The following ZNF701 variants were observed in gnomAD, a reference collection of about 807,000 sequenced individuals.
ZNF701 encodes zinc finger protein 701.
A neutral mutation model predicts 7.1 loss-of-function variants in ZNF701; 6 were observed. The ratio of observed to expected loss-of-function variants is 0.84; its 90% CI spans 0.46 to 1.66. The LOEUF is 1.66. Among genes scored for constraint, ZNF701 ranks in the 40% most tolerant of loss-of-function variants. ZNF701 has a pLI of 0.01. For missense variants in ZNF701, 541 were observed against 559.2 expected, an observed-to-expected ratio of 0.97 and a Z score of 0.33; for synonymous variants, 166 against 188.2, an observed-to-expected ratio of 0.88 and a Z score of 0.97.
Position 52,582,362 on chromosome 19 carries a change from G to T in ZNF701, c.303G>T (p.Trp101Cys). 6.2e-7 allele frequency: 1 copy of T among 1,613,682 alleles called. No homozygotes were observed. The highest frequency in any genetic ancestry group is 8.5e-7 in the Non-Finnish European group (1 of 1,179,880). The stretch of plus-strand genomic sequence containing the variant: ...ATATTCATGACTTTGTGTTTCAGTG[G>T]CAAGAAAATGAAACAAATGGCCATG... ...EKDIHDFVFQWQENETNGHEA... is the reference protein window; with the variant it reads ...EKDIHDFVFQCQENETNGHEA... The change falls in exon 4 of 4, where the codon TGG becomes TGT. Residue 101 changes from tryptophan to cysteine, a missense_variant. By Grantham distance (215) the Trp-to-Cys change is radical. Transcript: ENST00000391785.
the ZNF701 span, among the ~76,000 whole-genome samples, chr19:52,595,398 T>C: frequency 1.3e-5 from 2 of 151,794 alleles, no homozygotes; most frequent in Non-Finnish European, 2.9e-5. Context: ...GCCTCCCAAG[T>C]AGCTAGGACT....
rs1414175384 is a variant in ZNF701 at position 52,583,555 on chromosome 19, C to T, written c.*98C>T. ...AACCTTACAAATGTGAAGAATGTGACAAAAGTTTTCAATTTCAAATCACTC... is the reference window on the plus strand; with the variant it reads ...AACCTTACAAATGTGAAGAATGTGATAAAAGTTTTCAATTTCAAATCACTC... On this transcript the variant is annotated 3_prime_UTR_variant, in exon 4 of 4. Coordinates refer to ENST00000391785, the MANE Select transcript of ZNF701 (RefSeq NM_018260.3). The T allele has an allele frequency of 3.9e-6, 6 of 1,554,206 alleles. No homozygotes were observed. Among genetic ancestry groups the T allele is most frequent in the Non-Finnish European group, 1.8e-6 (2 of 1,127,908 alleles).
At chr19:52,575,771 T>C in intron 2 of ZNF701, 124 bp from the exon 3 acceptor site, 3 of 681,382 alleles carry the variant, frequency 4.4e-6, no homozygotes. Flanking sequence ...GAAGAATCCC[T>C]TACTTGGATT....
rs2060003497 is a variant in ZNF701 at position 52,585,332 on chromosome 19, C to G, written c.*1875C>G. The G allele has an allele frequency of 6.6e-6, 1 of 152,628 alleles. No homozygotes were observed. Among genetic ancestry groups the G allele is most frequent in the African/African-American group, 2.4e-5 (1 of 41,418 alleles). 9.5% of individuals were successfully genotyped at this position (152,628 alleles called of 1,614,324 possible). On this transcript the variant is annotated 3_prime_UTR_variant, in exon 4 of 4. Transcript: ENST00000391785. ...CCCACTCCCGGGAAGGCCGCGTCCT[C>G]TGCCTGGTCCTGGGATCCTGCAGAC...
In ZNF701 at chr19:52,572,379, G is replaced by A. The variant is rs745848761; in HGVS notation, c.-71-1698G>A. ...CTCCCTGTTTTGAAGGTAACTAGCT[G>A]TGTCTTTGTACATCTGCATTTTATA... On this transcript the variant is annotated intron_variant, in intron 1 of 3. Coordinates refer to ENST00000391785, the MANE Select transcript of ZNF701 (RefSeq NM_018260.3). 45 of 1,288,884 alleles carry A rather than the reference G, an allele frequency of 3.5e-5. 1 individual carries two copies. The South Asian group carries it at 5.3e-4, about 15-fold the overall frequency. 79.8% of individuals were successfully genotyped at this position (1,288,884 alleles called of 1,614,324 possible).
rs977058170 is a variant in ZNF701 at position 52,583,040 on chromosome 19, A to G, written c.981A>G (p.Lys327=). ...TTCATACTGGAGAGAAACCTTACAA[A>G]TGTGAAGAATGTGACAAAGTTTTCA... ...HRVHTGEKPY[K]CEECDKVFSR... Residue 327 remains lysine (K), a synonymous_variant, in exon 4 of 4, where the codon AAA becomes AAG. Coordinates refer to ENST00000391785, the MANE Select transcript of ZNF701 (RefSeq NM_018260.3). 20 of 1,611,292 alleles carry G rather than the reference A, an allele frequency of 1.2e-5. No individual in the cohort carries two copies. Among genetic ancestry groups the G allele is most frequent in the Non-Finnish European group, 1.7e-5 (20 of 1,179,158 alleles).
At chr19:52,574,254 C>T (rs1354406430) in intron 2 of ZNF701, 92 bp downstream of exon 2, 2 of 1,560,850 alleles carry the variant, frequency 1.3e-6, no homozygotes, top group Non-Finnish European at 1.8e-6. Context: ...CTCAAGTGTC[C>T]TGCCTGACAG....
the ZNF701 span, chr19:52,597,493 G>C: frequency 2.6e-6 from 1 of 386,720 alleles, no homozygotes; most frequent in East Asian, 6.7e-5. Flanking sequence ...ATTGACTTGA[G>C]ATTGAGTTGA....
chr19:52,575,567 C>T (rs1315598550), intron 2 of ZNF701: 6 of 350,454 alleles, frequency 1.7e-5, no homozygotes, highest in South Asian at 6.7e-5. Flanking sequence ...TTGGTGCAAT[C>T]GCAGCTCACT....
intron 1 of ZNF701, among the ~76,000 whole-genome samples, chr19:52,572,014 G>A (rs2059904090): frequency 6.6e-6 from 1 of 151,950 alleles, no homozygotes; most frequent in African/African-American, 2.4e-5. Flanking sequence ...GTAGAGATGG[G>A]GTTTCTCCAT....
chr19:52,583,215 G>C lies in ZNF701; in HGVS notation c.1156G>C (p.Glu386Gln). ...TGGAGAGAAACCTTACAAGTGTAAT[G>C]AGTGTGGCAAGACCTTTGTTCAAAA... Reference protein sequence around the residue: ...HTGEKPYKCNECGKTFVQNSS... With the variant: ...HTGEKPYKCNQCGKTFVQNSS... The change falls in exon 4 of 4, where the codon GAG (glutamate) becomes CAG (glutamine). Residue 386 changes from glutamate to glutamine, a missense_variant. By Grantham distance (29) the Glu-to-Gln change is conservative. Transcript: ENST00000391785. 1 of 1,610,504 alleles carries C rather than the reference G, an allele frequency of 6.2e-7. No individual in the cohort carries two copies. The highest frequency in any genetic ancestry group is 1.3e-5 in the African/African-American group (1 of 74,966).
the ZNF701 span, chr19:52,595,574 A>G: frequency 8.1e-6 from 7 of 861,792 alleles, no homozygotes; most frequent in East Asian, 6.3e-5. Flanking sequence ...CTGGCCTACC[A>G]TCTGTACTTA....
At chr19:52,572,539 C>A in intron 1 of ZNF701, 1 of 502,924 alleles carries the variant, frequency 2.0e-6, no homozygotes, top group East Asian at 7.4e-5. Flanking sequence ...TTTGATAAGG[C>A]CAACCCTTTC....
chr19:52,591,574 C>A (rs192629334), downstream of ZNF701, among the ~76,000 whole-genome samples: 3 of 152,242 alleles, frequency 2.0e-5, no homozygotes, highest in South Asian at 6.2e-4. Flanking sequence ...CTGCAACCTT[C>A]GCCTCTGGGG....
chr19:52,588,104 T>A (rs1353100249), downstream of ZNF701, among the ~76,000 whole-genome samples: 3 of 152,186 alleles, frequency 2.0e-5, no homozygotes, highest in Admixed American at 6.5e-5. Flanking sequence ...TAATCTCTGG[T>A]GCAGTGGGCA....
chr19:52,591,070 C>T (rs1476961791), downstream of ZNF701, among the ~76,000 whole-genome samples: 1 of 152,054 alleles, frequency 6.6e-6, no homozygotes, highest in Non-Finnish European at 1.5e-5. Context: ...GATTTCTTGA[C>T]CTCCTGATCC....
chr19:52,590,702 C>G (rs1334678594), downstream of ZNF701, among the ~76,000 whole-genome samples: 1 of 152,106 alleles, frequency 6.6e-6, no homozygotes, highest in Non-Finnish European at 1.5e-5. Flanking sequence ...AAGCGATCCT[C>G]CCACCTCAGC....
the ZNF701 span, chr19:52,596,708 G>T: frequency 2.0e-6 from 1 of 491,946 alleles, no homozygotes; most frequent in Non-Finnish European, 4.2e-6. Context: ...CACATTTCAC[G>T]AGTATGGAAA....
At position 52,578,474 on chromosome 19, in the gene ZNF701, A is replaced by G. The variant is rs959255104; in HGVS notation, c.142+2453A>G. On this transcript the variant is annotated intron_variant, in intron 3 of 3. Transcript: ENST00000391785. ...GCGCACCCAGCTGTTTGGGGCCACT[A>G]CCTGTCTCCGCGTCTTGATGGTAGT... 5.3e-5 allele frequency among the ~76,000 whole-genome samples: 8 copies of G among 151,914 alleles called. No homozygotes were observed. In the East Asian group the frequency reaches 9.7e-4, roughly 19 times the overall value.
Sources: allele counts gnomAD v4.1 joint callset (sites outside exome capture counted in the v4.1 genomes callset), GRCh38; gene constraint gnomAD v4.1.1; transcripts MANE v1.5; gene names NCBI Gene and HGNC (gene_info 2026-07-23, HGNC 2026-07-21).